Variants in RYR2 observed in about 807,000 individuals in gnomAD.
The protein encoded by RYR2 is ryanodine receptor 2.
In RYR2, 227 loss-of-function variants were observed where a neutral mutation model predicts 601.1. The ratio of observed to expected loss-of-function variants is 0.38; its 90% CI spans 0.34 to 0.42. The LOEUF is 0.42. Among genes scored for constraint, RYR2 ranks in the 10% least tolerant of loss-of-function variants. The pLI is 1.00. For missense variants in RYR2, 4,646 were observed against 6,156.5 expected, an observed-to-expected ratio of 0.75 and a Z score of 8.21; for synonymous variants, 2,223 against 2,175.1, an observed-to-expected ratio of 1.02 and a Z score of -0.61.
rs1670294201 is a variant in RYR2 at position 237,550,637 on chromosome 1, G to A, written c.3160G>A (p.Val1054Met). ...KSNKDSLREA[V>M]RTLLGYGYNL... ...CAACAAGGACAGCCTCCGCGAGGCT[G>A]TGCGCACGCTGCTGGGGTACGGCTA... is the stretch of plus-strand genomic sequence containing the variant. The change falls in exon 27 of 105, where the codon GTG becomes ATG. Residue 1054 changes from valine to methionine, a missense_variant. By Grantham distance (21) the Val-to-Met change is conservative. Coordinates refer to ENST00000366574, the MANE Select transcript of RYR2 (RefSeq NM_001035.3). 6.3e-7 allele frequency: 1 copy of A among 1,583,242 alleles called. No individual in the cohort carries two copies. Among genetic ancestry groups the A allele is most frequent in the African/African-American group, 1.3e-5 (1 of 74,296 alleles).
At chr1:237,050,498 C>A (rs947400492) in intron 1 of RYR2, among the ~76,000 whole-genome samples, 1 of 152,124 alleles carries the variant, frequency 6.6e-6, no homozygotes, top group Non-Finnish European at 1.5e-5. Flanking sequence ...TCAATGTGGC[C>A]AATTTGTTTT....
Position 237,593,727 on chromosome 1 carries a change from G to A in RYR2, c.4436+91G>A, listed in dbSNP as rs1478915. On this transcript the variant is annotated intron_variant, in intron 33 of 104. Coordinates refer to ENST00000366574, the MANE Select transcript of RYR2 (RefSeq NM_001035.3). ...CTTTTCCTTGTATTTTGTGACCAAG[G>A]TATTTCTATTTATAGGAAGAATATA... 0.46 allele frequency: 597,472 copies of A among 1,301,700 alleles called. 142,429 individuals carry two copies. Among genetic ancestry groups the A allele is most frequent in the Admixed American group, 0.57 (28,020 of 49,410 alleles). 80.6% of individuals were successfully genotyped at this position (1,301,700 alleles called of 1,614,324 possible).
At chr1:237,046,712 T>C (rs1231751773) in intron 1 of RYR2, among the ~76,000 whole-genome samples, 1 of 152,216 alleles carries the variant, frequency 6.6e-6, no homozygotes. Flanking sequence ...ACGGCTGAAT[T>C]ACCCAAGAAA....
intron 73 of RYR2, among the ~76,000 whole-genome samples, chr1:237,720,357 T>A (rs1263542159): frequency 1.3e-5 from 2 of 152,168 alleles, no homozygotes; most frequent in African/African-American, 4.8e-5. Flanking sequence ...TTTTAAAGAA[T>A]AAGATAAAGG....
intron 1 of RYR2, among the ~76,000 whole-genome samples, chr1:237,262,837 T>C (rs528999757): frequency 1.3e-5 from 2 of 152,070 alleles, no homozygotes; most frequent in African/African-American, 4.8e-5. Context: ...AGCCTAAACC[T>C]GGAAAAAAAT....
In RYR2 at chr1:237,102,733, G is replaced by A. The variant is rs138264390; in HGVS notation, c.48+60164G>A. On this transcript the variant is annotated intron_variant, in intron 1 of 104. Transcript: ENST00000366574. ...TAGCTGGGCATGGTGGTGTGCACTT[G>A]TAATCCCGCTACTCGGGAGGCTGAG... Among the ~76,000 whole-genome samples, 1,337 of 152,164 alleles carry A rather than the reference G, an allele frequency of 8.8e-3. 8 individuals are homozygous for A. The highest frequency in any genetic ancestry group is 0.014 in the Non-Finnish European group (928 of 68,006).
intron 2 of RYR2, among the ~76,000 whole-genome samples, chr1:237,309,633 T>C (rs1032787617): frequency 1.3e-4 from 20 of 152,230 alleles, no homozygotes; most frequent in Non-Finnish European, 1.5e-4. Context: ...GTGCCCACAC[T>C]CCTCAGCCCT....
chr1:237,482,202 C>T (rs1662190702), intron 17 of RYR2, among the ~76,000 whole-genome samples: 2 of 152,016 alleles, frequency 1.3e-5, no homozygotes, highest in South Asian at 4.2e-4. Flanking sequence ...CAGTTACGTT[C>T]TTTAAGTTAA....
intron 2 of RYR2, among the ~76,000 whole-genome samples, chr1:237,296,468 T>A (rs530568160): frequency 2.0e-5 from 3 of 152,170 alleles, no homozygotes; most frequent in East Asian, 3.9e-4. Context: ...ATTTAAGAGG[T>A]AAGAGAGAAA....
At chr1:237,402,429 A>ATGTTCTAAGAATG (rs1393739450) in intron 10 of RYR2, among the ~76,000 whole-genome samples, 1 of 151,738 alleles carries the variant, frequency 6.6e-6, no homozygotes, top group Admixed American at 6.6e-5. Flanking sequence ...TATGATTATT[A>ATGTTCTAAGAATG]TGTTCTAAGA....
At chr1:237,410,268 T>G (rs546565676) in intron 10 of RYR2, among the ~76,000 whole-genome samples, 2 of 152,304 alleles carry the variant, frequency 1.3e-5, no homozygotes, top group East Asian at 3.9e-4. Context: ...ATAAGCCAAG[T>G]GCTCTGAAGC....
In RYR2 at chr1:237,590,846, T is replaced by A; in HGVS notation, c.4014T>A (p.Asp1338Glu). ...FGPKNDLEDYDADSDFEVLMK... is the reference protein window; with the variant it reads ...FGPKNDLEDYEADSDFEVLMK... ...CCAAGAATGACTTGGAAGATTATGA[T>A]GCTGATTCTGACTTTGAGGTTCTGA... Residue 1338 changes from aspartate to glutamate, a missense_variant, in exon 31 of 105, where the codon GAT becomes GAA. Asp to Glu is a conservative substitution (Grantham distance 45). This residue lies in a region of RYR2 where 1,807 missense variants were observed against 2,088.1 expected (regional missense o/e 0.87). Transcript: ENST00000366574. The A allele has an allele frequency of 6.2e-7, 1 of 1,613,832 alleles. No homozygotes were observed. Among genetic ancestry groups the A allele is most frequent in the Non-Finnish European group, 8.5e-7 (1 of 1,179,852 alleles).
At chr1:237,728,081 A>C (rs552123239) in intron 76 of RYR2, among the ~76,000 whole-genome samples, 1 of 152,230 alleles carries the variant, frequency 6.6e-6, no homozygotes, top group South Asian at 2.1e-4. Flanking sequence ...TCTTTGATTC[A>C]GACTTTGAGA....
intron 76 of RYR2, among the ~76,000 whole-genome samples, chr1:237,728,583 C>A (rs1466983938): frequency 6.6e-6 from 1 of 152,078 alleles, no homozygotes; most frequent in Non-Finnish European, 1.5e-5. Flanking sequence ...CACATATACA[C>A]CATGGAATAC....
At chr1:237,269,606 G>A (rs111433196) in intron 1 of RYR2, among the ~76,000 whole-genome samples, 1,722 of 152,268 alleles carry the variant, frequency 0.011, 41 homozygotes, top group African/African-American at 0.039. Flanking sequence ...CCCTTGCCAC[G>A]TAGAACCTGT....
chr1:237,339,982 G>A (rs1697616506), intron 3 of RYR2, among the ~76,000 whole-genome samples: 1 of 152,184 alleles, frequency 6.6e-6, no homozygotes, highest in South Asian at 2.1e-4. Flanking sequence ...GATGGCAATA[G>A]GGAAGGATAC....
chr1:237,459,672 G>C (rs1260886735), intron 16 of RYR2, among the ~76,000 whole-genome samples: 1 of 152,116 alleles, frequency 6.6e-6, no homozygotes, highest in Admixed American at 6.6e-5. Context: ...TTATCCTTCT[G>C]AGCTACTTAT....
chr1:237,405,353 TC>T (rs1264543799), intron 10 of RYR2, among the ~76,000 whole-genome samples: 1 of 152,220 alleles, frequency 6.6e-6, no homozygotes, highest in Non-Finnish European at 1.5e-5. Flanking sequence ...AATGCAGTTC[TC>T]CCCTCAAATA....
At chr1:237,709,936 T>C (rs1688691976) in intron 70 of RYR2, among the ~76,000 whole-genome samples, 1 of 152,230 alleles carries the variant, frequency 6.6e-6, no homozygotes, top group South Asian at 2.1e-4. Context: ...ACACTCATTT[T>C]ACTTGTAAAG....
Sources: gnomAD v4.1 joint callset for allele counts (sites outside exome capture counted in the v4.1 genomes callset) on GRCh38, gnomAD v4.1.1 for gene constraint, gnomAD v4.1.1 regional missense constraint, MANE v1.5 for transcripts, NCBI Gene and HGNC (gene_info 2026-07-23, HGNC 2026-07-21) for gene names.